Variants in SPAG17 observed in about 807,000 individuals in gnomAD.
The protein encoded by SPAG17 is sperm-associated antigen 17.
In SPAG17, 169 loss-of-function variants were observed where a neutral mutation model predicts 273.6. That is an observed-to-expected ratio of 0.62 (90% CI 0.55 to 0.70). The LOEUF is 0.70. Among genes scored for constraint, SPAG17 ranks in the 30% least tolerant of loss-of-function variants. SPAG17 has a pLI of 0.00. For missense variants in SPAG17, 2,557 were observed against 2,627.8 expected, an observed-to-expected ratio of 0.97 and a Z score of 0.59; for synonymous variants, 825 against 873.2, an observed-to-expected ratio of 0.94 and a Z score of 0.97.
chr1:118,111,673 C>T (rs367656226), intron 4 of SPAG17, among the ~76,000 whole-genome samples: 2 of 151,690 alleles, frequency 1.3e-5, no homozygotes, highest in African/African-American at 4.8e-5. Flanking sequence ...AAACTACTCT[C>T]ATTTCTCTTT....
At chr1:118,073,197 T>G (rs573612071) in intron 17 of SPAG17, among the ~76,000 whole-genome samples, 1 of 152,018 alleles carries the variant, frequency 6.6e-6, no homozygotes, top group South Asian at 2.1e-4. Flanking sequence ...GGATTACTTG[T>G]TATTTTGCTG....
At chr1:118,013,755 G>A (rs1441979890) in intron 29 of SPAG17, among the ~76,000 whole-genome samples, 1 of 152,096 alleles carries the variant, frequency 6.6e-6, no homozygotes, top group Non-Finnish European at 1.5e-5. Context: ...CACATAAACA[G>A]TGACATTTTC....
intron 26 of SPAG17, among the ~76,000 whole-genome samples, chr1:118,026,036 C>T (rs1339797344): frequency 6.6e-6 from 1 of 152,122 alleles, no homozygotes; most frequent in Non-Finnish European, 1.5e-5. Flanking sequence ...CTCTTCCTGC[C>T]CACTGGTGCC....
chr1:118,149,940 G>A (rs931170899), intron 3 of SPAG17, among the ~76,000 whole-genome samples: 4 of 152,090 alleles, frequency 2.6e-5, no homozygotes, highest in Non-Finnish European at 5.9e-5. Flanking sequence ...TGAGTCCTAC[G>A]TCCTTTGCAC....
intron 24 of SPAG17, among the ~76,000 whole-genome samples, chr1:118,034,154 T>C (rs1171385402): frequency 1.3e-5 from 2 of 152,218 alleles, no homozygotes; most frequent in Non-Finnish European, 2.9e-5. Context: ...ATATTTATTG[T>C]GTACCTACTA....
chr1:118,140,405 G>A (rs1275562899), intron 3 of SPAG17, among the ~76,000 whole-genome samples: 3 of 151,972 alleles, frequency 2.0e-5, no homozygotes, highest in Non-Finnish European at 4.4e-5. Context: ...TAACTAGCTT[G>A]ATTTAATTAT....
At chr1:117,993,590 C>T (rs977141045) in intron 35 of SPAG17, among the ~76,000 whole-genome samples, 7 of 152,116 alleles carry the variant, frequency 4.6e-5, no homozygotes, top group African/African-American at 1.7e-4. Context: ...CCAAATTTAA[C>T]CACAGGGCTA....
chr1:118,183,401 T>G (rs1231762740), intron 1 of SPAG17, among the ~76,000 whole-genome samples: 3 of 152,152 alleles, frequency 2.0e-5, no homozygotes, highest in African/African-American at 7.2e-5. Context: ...GGAATTATTC[T>G]TTTAGATCAG....
chr1:118,095,390 T>C (rs1655643602), intron 7 of SPAG17, among the ~76,000 whole-genome samples: 1 of 152,188 alleles, frequency 6.6e-6, no homozygotes, highest in South Asian at 2.1e-4. Context: ...TAGCTAGAGA[T>C]GGAGCAAAAG....
intron 48 of SPAG17, among the ~76,000 whole-genome samples, chr1:117,955,603 G>A (rs958798039): frequency 6.6e-6 from 1 of 152,012 alleles, no homozygotes; most frequent in East Asian, 1.9e-4. Context: ...TGTTGTAGGC[G>A]ATGAAATAAT....
At chr1:118,151,406 C>CCTGAA in intron 1 of SPAG17, 37 bp from the exon 2 acceptor site, 5 of 1,569,944 alleles carry the variant, frequency 3.2e-6, no homozygotes, top group Non-Finnish European at 4.3e-6. Flanking sequence ...TTTAAATATT[C>CCTGAA]CTGAATAGGT....
chr1:117,987,706 G>A, intron 40 of SPAG17, 128 bp downstream of exon 40: 2 of 889,752 alleles, frequency 2.2e-6, no homozygotes, highest in Middle Eastern at 2.2e-4. Flanking sequence ...ATGACCACTT[G>A]GTAGACATGT....
chr1:118,077,149 A>G (rs927402437), intron 15 of SPAG17, among the ~76,000 whole-genome samples: 3 of 152,218 alleles, frequency 2.0e-5, no homozygotes, highest in Admixed American at 6.5e-5. Context: ...TTGTTTAAAG[A>G]GAATTAAAGT....
chr1:118,171,510 A>C (rs1167450474), intron 1 of SPAG17, among the ~76,000 whole-genome samples: 2 of 152,182 alleles, frequency 1.3e-5, no homozygotes, highest in African/African-American at 2.4e-5. Flanking sequence ...GAAGCCTACA[A>C]GTTGAGTATA....
intron 21 of SPAG17, 128 bp from the exon 22 acceptor site, chr1:118,040,969 A>T (rs1660438218): frequency 2.9e-6 from 2 of 678,508 alleles, no homozygotes; most frequent in Non-Finnish European, 5.3e-6. Flanking sequence ...CACTTTGCAG[A>T]CTCAGAGGCC....
chr1:118,057,796 T>C (rs1212602123), intron 18 of SPAG17, among the ~76,000 whole-genome samples: 4 of 151,780 alleles, frequency 2.6e-5, no homozygotes, highest in South Asian at 4.2e-4. Flanking sequence ...AACTTCAAAA[T>C]GAGAAGTAGG....
intron 37 of SPAG17, 31 bp from the exon 38 acceptor site, chr1:117,990,937 T>C (rs762910250): frequency 2.3e-6 from 3 of 1,314,892 alleles, no homozygotes; most frequent in African/African-American, 3.0e-5. Flanking sequence ...CTTATGATGA[T>C]TATATTACTT....
intron 3 of SPAG17, among the ~76,000 whole-genome samples, chr1:118,143,340 C>T (rs1485119942): frequency 6.6e-6 from 1 of 152,166 alleles, no homozygotes; most frequent in Non-Finnish European, 1.5e-5. Flanking sequence ...ACTTCTGAAT[C>T]AACAAGTTAC....
chr1:118,142,993 A>G (rs1658764349), intron 3 of SPAG17, among the ~76,000 whole-genome samples: 1 of 152,192 alleles, frequency 6.6e-6, no homozygotes, highest in Non-Finnish European at 1.5e-5. Context: ...TTCATCCTCC[A>G]AAGAAAAGAC....
Sources: gnomAD v4.1 joint callset for allele counts (sites outside exome capture counted in the v4.1 genomes callset) on GRCh38, gnomAD v4.1.1 for gene constraint, MANE v1.5 for transcripts, NCBI Gene and HGNC (gene_info 2026-07-23, HGNC 2026-07-21) for gene names.